STRN3: variants seen among roughly 807,000 people sequenced by gnomAD.
STRN3 encodes striatin 3, also known as striatin-3.
Under a neutral mutation model 95.6 loss-of-function variants are expected in STRN3, and 29 were observed. That is an observed-to-expected ratio of 0.30 (90% CI 0.23 to 0.41). The LOEUF is 0.41. STRN3 is among the 10% of genes least tolerant of loss of function. The pLI, the probability that STRN3 is intolerant of heterozygous loss-of-function variation, is 1.00. For synonymous variants in STRN3, 331 were observed against 357.6 expected (o/e 0.93, Z 0.84); for missense variants, 890 against 972.1 (o/e 0.92, Z 1.12).
rs769588209 is a variant in STRN3, at chr14:30,913,418, T to TA, written c.1374+105dup. 7.2e-4 allele frequency: 874 copies of TA among 1,216,704 alleles called. 2 individuals carry two copies. The highest frequency in any genetic ancestry group is 1.6e-3 in the Middle Eastern group (7 of 4,312). The allele number at this position is 1,216,704 out of a possible 1,614,324, so 75.4% of individuals were successfully genotyped here. A position where few individuals can be genotyped will look rare whatever the true frequency, so the allele number is the denominator to read the frequency against. On this transcript the variant is annotated intron_variant, in intron 10 of 17. Transcript: ENST00000357479. ...TCAAATCAACACATTGACACAAACT[T>TA]ATCTTTTCCATGCACCTTGATATTA...
chr14:30,894,709 G>GT lies in STRN3; in HGVS notation c.*701dup, dbSNP rs1896080555. 5.7e-6 allele frequency: 1 copy of GT among 176,676 alleles called. No homozygotes were observed. The highest frequency in any genetic ancestry group is 2.4e-5 in the African/African-American group (1 of 41,636). The allele number at this position is 176,676 out of a possible 1,614,324, so 10.9% of individuals were successfully genotyped here. A position where few individuals can be genotyped will look rare whatever the true frequency, so the allele number is the denominator to read the frequency against. On this transcript the variant is annotated 3_prime_UTR_variant, in exon 18 of 18. Coordinates refer to ENST00000357479, the MANE Select transcript of STRN3 (RefSeq NM_001083893.2). The stretch of plus-strand genomic sequence containing the variant: ...TTAGGCAAAAGAAGGAAAGAAAGTG[G>GT]TTACAGGGCAACGGGTCAGTGAGAT...
In STRN3 at chr14:30,973,602, A is replaced by C. The variant is rs139739294; in HGVS notation, c.283-17360T>G. Reference sequence around the variant, plus strand: ...TTTCCAAAAATCTGAAGAGAAGGGAATACTACCCAACTCATTCTATGAGGC... The same window carrying C: ...TTTCCAAAAATCTGAAGAGAAGGGACTACTACCCAACTCATTCTATGAGGC... On this transcript the variant is annotated intron_variant, in intron 1 of 17. Coordinates refer to ENST00000357479, the MANE Select transcript of STRN3 (RefSeq NM_001083893.2). Among the ~76,000 whole-genome samples, 1,346 of 152,310 alleles carry C rather than the reference A, an allele frequency of 8.8e-3. 18 individuals carry two copies. Among genetic ancestry groups the C allele is most frequent in the African/African-American group, 0.031 (1,296 of 41,572 alleles).
At chr14:30,986,623 A>G (rs919078164) in intron 1 of STRN3, among the ~76,000 whole-genome samples, 1 of 152,256 alleles carries the variant, frequency 6.6e-6, no homozygotes, top group Non-Finnish European at 1.5e-5. Flanking sequence ...ATCCTACTAT[A>G]GTGCTACCCT....
At chr14:30,902,468 T>G in intron 16 of STRN3, 68 bp downstream of exon 16, 1 of 1,107,212 alleles carries the variant, frequency 9.0e-7, no homozygotes, top group Non-Finnish European at 1.3e-6. Context: ...ATATCTTACA[T>G]AAAACAGCAT....
chr14:31,026,345 T>A lies in STRN3; in HGVS notation c.-160A>T. 2.2e-6 allele frequency: 1 copy of A among 450,778 alleles called. No homozygotes were observed. The highest frequency in any genetic ancestry group is 3.2e-6 in the Non-Finnish European group (1 of 313,600). The allele number at this position is 450,778 out of a possible 1,614,324, so 27.9% of individuals were successfully genotyped here. A position where few individuals can be genotyped will look rare whatever the true frequency, so the allele number is the denominator to read the frequency against. On this transcript the variant is annotated 5_prime_UTR_variant, in exon 1 of 18. Coordinates refer to ENST00000357479, the MANE Select transcript of STRN3 (RefSeq NM_001083893.2). ...CCTGCCGTGGGTCAGAGCAGGGAGC[T>A]GCCGGCTGCCGCCATTACAATCCCT... is the stretch of plus-strand genomic sequence containing the variant.
chr14:31,025,655 A>C, intron 1 of STRN3: 1 of 581,170 alleles, frequency 1.7e-6, no homozygotes, highest in Non-Finnish European at 2.9e-6. Flanking sequence ...CCATACTAAA[A>C]GCCAAAATGG....
intron 8 of STRN3, among the ~76,000 whole-genome samples, chr14:30,923,073 C>T (rs948409790): frequency 5.3e-5 from 8 of 152,170 alleles, no homozygotes; most frequent in African/African-American, 1.7e-4. Flanking sequence ...GAGAATATAA[C>T]TATTTTGTGG....
Position 30,894,893 on chromosome 14 carries a change from CTTT to C in STRN3, c.*515_*517del, listed in dbSNP as rs34255465. 254 of 740,998 alleles carry C rather than the reference CTTT, an allele frequency of 3.4e-4. No individual in the cohort carries two copies. Among genetic ancestry groups the C allele is most frequent in the East Asian group, 9.1e-4 (10 of 10,984 alleles). The allele number at this position is 740,998 out of a possible 1,614,324, so 45.9% of individuals were successfully genotyped here. Reference sequence around the variant, plus strand: ...ATATTTTAAGTTAAATTTTCTTTTTCTTTTTTTTTTTTTTTAAAGCAAAATAAG... The same window carrying C: ...ATATTTTAAGTTAAATTTTCTTTTTCTTTTTTTTTTTTAAAGCAAAATAAG... On this transcript the variant is annotated 3_prime_UTR_variant, in exon 18 of 18. Coordinates refer to ENST00000357479, the MANE Select transcript of STRN3 (RefSeq NM_001083893.2).
In STRN3 at chr14:30,913,508, A is replaced by G; in HGVS notation, c.1374+16T>C. 1 of 1,568,074 alleles carries G rather than the reference A, an allele frequency of 6.4e-7. No homozygotes were observed. Among genetic ancestry groups the G allele is most frequent in the South Asian group, 1.2e-5 (1 of 80,946 alleles). The stretch of plus-strand genomic sequence containing the variant: ...CTATTAAATCATTAAAAAATTAAAA[A>G]TAAAACTGCACTTACATCATAACTA... On this transcript the variant is annotated intron_variant, in intron 10 of 17. Coordinates refer to ENST00000357479, the MANE Select transcript of STRN3 (RefSeq NM_001083893.2).
chr14:30,911,255 C>A, intron 12 of STRN3, 93 bp from the exon 13 acceptor site: 45 of 1,133,036 alleles, frequency 4.0e-5, no homozygotes, highest in Middle Eastern at 3.2e-4. Flanking sequence ...TATGTAATAT[C>A]TAAAAACTGT....
intron 6 of STRN3, among the ~76,000 whole-genome samples, chr14:30,936,219 G>C (rs1348600916): frequency 6.6e-6 from 1 of 152,220 alleles, no homozygotes; most frequent in African/African-American, 2.4e-5. Flanking sequence ...ATTCTCAACT[G>C]TAGCAGAAGT....
intron 1 of STRN3, among the ~76,000 whole-genome samples, chr14:31,007,302 C>G (rs1004719927): frequency 6.6e-6 from 1 of 152,164 alleles, no homozygotes; most frequent in African/African-American, 2.4e-5. Flanking sequence ...TTCTCCTCCC[C>G]CTCCAAGCAC....
chr14:30,901,243 C>G (rs139729014), intron 16 of STRN3, among the ~76,000 whole-genome samples: 36 of 150,828 alleles, frequency 2.4e-4, no homozygotes, highest in Admixed American at 6.6e-4. Flanking sequence ...GAGTTTAAGA[C>G]CAGCCTGGGC....
chr14:30,973,068 G>C (rs1172552596), intron 1 of STRN3, among the ~76,000 whole-genome samples: 1 of 152,116 alleles, frequency 6.6e-6, no homozygotes. Flanking sequence ...AATCAGCCAG[G>C]TGTGGTGGCA....
At chr14:30,902,329 G>A (rs747734722) in intron 16 of STRN3, among the ~76,000 whole-genome samples, 10 of 151,644 alleles carry the variant, frequency 6.6e-5, no homozygotes, top group Admixed American at 3.3e-4. Flanking sequence ...TGAAGAAATC[G>A]TAATAGCTAG....
chr14:30,903,881 A>G (rs542415439), intron 15 of STRN3, among the ~76,000 whole-genome samples: 136 of 152,294 alleles, frequency 8.9e-4, no homozygotes, highest in Non-Finnish European at 1.4e-3. Flanking sequence ...TTTATTATCA[A>G]TATTTGATCT....
intron 1 of STRN3, among the ~76,000 whole-genome samples, chr14:30,969,209 G>A (rs1880701709): frequency 1.3e-5 from 2 of 152,342 alleles, no homozygotes; most frequent in African/African-American, 4.8e-5. Flanking sequence ...GCCGAGGAGG[G>A]CAAATCATGA....
At chr14:30,934,448 G>A (rs1878718640) in intron 7 of STRN3, among the ~76,000 whole-genome samples, 1 of 152,076 alleles carries the variant, frequency 6.6e-6, no homozygotes, top group Admixed American at 6.6e-5. Context: ...TATTTACTAG[G>A]AAAAACATAA....
chr14:30,915,180 T>C (rs1184009661), intron 9 of STRN3, among the ~76,000 whole-genome samples: 2 of 152,002 alleles, frequency 1.3e-5, no homozygotes, highest in Admixed American at 1.3e-4. Flanking sequence ...CCATGAAAAA[T>C]GATATAAATA....
Sources: allele counts gnomAD v4.1 joint callset (sites outside exome capture counted in the v4.1 genomes callset), GRCh38; gene constraint gnomAD v4.1.1; transcripts MANE v1.5; gene names NCBI Gene and HGNC (gene_info 2026-07-23, HGNC 2026-07-21).